ADGRV1: variants seen among roughly 807,000 people sequenced by gnomAD.
ADGRV1 encodes the protein adhesion G protein-coupled receptor V1.
ADGRV1 carries 359 observed loss-of-function variants against 596.2 expected under a neutral mutation model. The observed-to-expected ratio is 0.60, with a 90% CI of 0.55 to 0.66. The LOEUF (loss-of-function observed/expected upper bound fraction) is 0.66, where lower values mean the gene tolerates loss of function less well. ADGRV1 is among the 30% of genes least tolerant of loss of function. ADGRV1 has a pLI of 0.00. For synonymous variants in ADGRV1, 2,681 were observed against 2,679.2 expected (o/e 1.00, Z -0.02); for missense variants, 7,274 against 7,575.6 (o/e 0.96, Z 1.48).
At chr5:90,751,830 C>A (rs1326595165) in intron 53 of ADGRV1, among the ~76,000 whole-genome samples, 1 of 152,134 alleles carries the variant, frequency 6.6e-6, no homozygotes, top group East Asian at 1.9e-4. Flanking sequence ...ATAGCAAATT[C>A]TATTGCATTT....
intron 59 of ADGRV1, among the ~76,000 whole-genome samples, chr5:90,763,673 C>T (rs1756762677): frequency 6.6e-6 from 1 of 152,210 alleles, no homozygotes; most frequent in South Asian, 2.1e-4. Context: ...CCACACCCCA[C>T]TCCTACCCTG....
chr5:90,863,343 T>C (rs1767785225), intron 82 of ADGRV1, among the ~76,000 whole-genome samples: 1 of 152,234 alleles, frequency 6.6e-6, no homozygotes, highest in South Asian at 2.1e-4. Flanking sequence ...TGTAGAAGTT[T>C]AAGTTAAAAG....
intron 85 of ADGRV1, among the ~76,000 whole-genome samples, chr5:91,066,112 C>T (rs1428503140): frequency 1.3e-5 from 2 of 152,330 alleles, no homozygotes; most frequent in African/African-American, 4.8e-5. Flanking sequence ...GCCGTTGTCT[C>T]ATTTTCTCTT....
chr5:90,746,194 A>G (rs1242385747), intron 52 of ADGRV1, among the ~76,000 whole-genome samples: 1 of 129,050 alleles, frequency 7.7e-6, no homozygotes. Context: ...CTATCCTATT[A>G]TGCTTTGTTA....
At chr5:90,917,026 T>G (rs1359377819) in intron 83 of ADGRV1, among the ~76,000 whole-genome samples, 1 of 152,192 alleles carries the variant, frequency 6.6e-6, no homozygotes, top group Admixed American at 6.5e-5. Flanking sequence ...TAGAAAACAA[T>G]GGTGCAGTAT....
At chr5:90,787,983 A>G in intron 67 of ADGRV1, 88 bp from the exon 68 acceptor site, 1 of 887,324 alleles carries the variant, frequency 1.1e-6, no homozygotes, top group Non-Finnish European at 1.6e-6. Flanking sequence ...ATGTGTATAT[A>G]TTTTCTTAAT....
At chr5:90,877,226 G>A (rs992941416) in intron 83 of ADGRV1, among the ~76,000 whole-genome samples, 1 of 152,132 alleles carries the variant, frequency 6.6e-6, no homozygotes, top group African/African-American at 2.4e-5. Context: ...GATTAGTGAC[G>A]CAAAAAGGAT....
chr5:90,886,128 C>T (rs1770258721), intron 83 of ADGRV1, among the ~76,000 whole-genome samples: 2 of 152,150 alleles, frequency 1.3e-5, no homozygotes, highest in Non-Finnish European at 2.9e-5. Flanking sequence ...AGCAACCTAT[C>T]GTTCTGGAGG....
chr5:90,643,059 T>C lies in ADGRV1; in HGVS notation c.2553+18T>C. ...TACCAGAGGTATGGGATTTTATATT[T>C]TCTTTGTGTTTCTCTGTAAGATTGA... On this transcript the variant is annotated intron_variant, in intron 13 of 89. Transcript: ENST00000405460. 1 of 1,586,172 alleles carries C rather than the reference T, an allele frequency of 6.3e-7. No homozygotes were observed. The highest frequency in any genetic ancestry group is 1.1e-5 in the South Asian group (1 of 90,104).
intron 11 of ADGRV1, among the ~76,000 whole-genome samples, chr5:90,639,115 CACAG>C (rs1235059957): frequency 1.3e-4 from 20 of 151,918 alleles, no homozygotes; most frequent in African/African-American, 4.8e-4. Context: ...CACACACACA[CACAG>C]AGTCTAGATG....
At chr5:90,781,376 T>C (rs1758823566) in intron 64 of ADGRV1, 54 bp from the exon 65 acceptor site, 2 of 1,305,582 alleles carry the variant, frequency 1.5e-6, no homozygotes, top group South Asian at 1.3e-5. Context: ...TGCAATTATG[T>C]ATTTTTTGTT....
At chr5:90,650,605 C>T (rs1768455415) in intron 17 of ADGRV1, among the ~76,000 whole-genome samples, 2 of 152,078 alleles carry the variant, frequency 1.3e-5, no homozygotes, top group African/African-American at 4.8e-5. Context: ...TGCATCAGTT[C>T]AGCAATAAAT....
At chr5:90,831,949 G>A (rs1476813263) in intron 77 of ADGRV1, among the ~76,000 whole-genome samples, 4 of 152,126 alleles carry the variant, frequency 2.6e-5, no homozygotes, top group African/African-American at 9.7e-5. Flanking sequence ...TTGTGTATAT[G>A]TAGCACATTT....
intron 85 of ADGRV1, among the ~76,000 whole-genome samples, chr5:91,035,861 T>TAAAATATATATATATATAATA: frequency 1.0e-5 from 1 of 96,402 alleles, no homozygotes; most frequent in African/African-American, 3.8e-5. Flanking sequence ...TATATATATA[T>TAAAATATATATATATATAATA]TATATATATA....
intron 34 of ADGRV1, among the ~76,000 whole-genome samples, chr5:90,699,010 A>G (rs1039784527): frequency 2.0e-5 from 3 of 152,158 alleles, no homozygotes; most frequent in African/African-American, 7.2e-5. Context: ...TAGGAAGCAA[A>G]TATCTAAGGA....
At position 90,637,880 on chromosome 5, in the gene ADGRV1, A is replaced by C. The variant is rs772661807; in HGVS notation, c.2172A>C (p.Thr724=). Residue 724 remains threonine (T), a synonymous_variant, in exon 11 of 90, where the codon ACA becomes ACC. Coordinates refer to ENST00000405460, the MANE Select transcript of ADGRV1 (RefSeq NM_032119.4). ...VLFLSGQSDT[T]INITIKGDDI... ...TTTTATCTGGGCAAAGTGACACAAC[A>C]ATCAACATTACTATCAAAGGTGATG... 1 of 1,613,744 alleles carries C rather than the reference A, an allele frequency of 6.2e-7. No homozygotes were observed. Among genetic ancestry groups the C allele is most frequent in the East Asian group, 2.2e-5 (1 of 44,856 alleles).
chr5:90,838,247 T>A (rs1159807677), intron 77 of ADGRV1, among the ~76,000 whole-genome samples: 1 of 151,758 alleles, frequency 6.6e-6, no homozygotes, highest in Non-Finnish European at 1.5e-5. Context: ...ATTCATTGAT[T>A]TTTTTTTTCA....
chr5:90,607,112 C>G (rs1182230491), intron 1 of ADGRV1, among the ~76,000 whole-genome samples: 3 of 152,000 alleles, frequency 2.0e-5, no homozygotes, highest in Admixed American at 2.0e-4. Context: ...CCTGCAAGGA[C>G]AAAAGGAAGG....
intron 84 of ADGRV1, among the ~76,000 whole-genome samples, chr5:90,983,831 A>T (rs1780275241): frequency 6.6e-6 from 1 of 152,180 alleles, no homozygotes; most frequent in South Asian, 2.1e-4. Flanking sequence ...GTAACCAAAC[A>T]TTTTTATCCT....
Sources: allele counts gnomAD v4.1 joint callset (sites outside exome capture counted in the v4.1 genomes callset), GRCh38; gene constraint gnomAD v4.1.1; transcripts MANE v1.5; gene names NCBI Gene and HGNC (gene_info 2026-07-23, HGNC 2026-07-21).